The following TSPAN18 variants were observed in gnomAD, a reference collection of about 807,000 sequenced individuals.
TSPAN18 encodes tetraspanin 18, also known as tetraspanin-18.
TSPAN18 carries 14 observed loss-of-function variants against 27.3 expected under a neutral mutation model. The observed-to-expected ratio is 0.51, with a 90% CI of 0.34 to 0.80. The LOEUF (loss-of-function observed/expected upper bound fraction) is 0.80. Ranked by LOEUF, TSPAN18 falls within the 30% of genes least tolerant of loss-of-function variation. TSPAN18 has a pLI of 0.01. For synonymous variants in TSPAN18, 143 were observed against 136.5 expected (o/e 1.05, Z -0.33); for missense variants, 268 against 323.9 (o/e 0.83, Z 1.32).
At chr11:44,846,087 T>G (rs913391481) in intron 2 of TSPAN18, among the ~76,000 whole-genome samples, 3 of 152,222 alleles carry the variant, frequency 2.0e-5, no homozygotes, top group African/African-American at 7.2e-5. Flanking sequence ...CTGTGCCGAG[T>G]ACTTTGCAGG....
intron 1 of TSPAN18, among the ~76,000 whole-genome samples, chr11:44,743,605 T>C (rs1488372497): frequency 1.3e-5 from 2 of 152,192 alleles, no homozygotes; most frequent in Non-Finnish European, 2.9e-5. Context: ...GGAAGATGTG[T>C]GCTCCGAGCT....
At chr11:44,907,580 G>C (rs774144688) in intron 4 of TSPAN18, among the ~76,000 whole-genome samples, 1 of 152,074 alleles carries the variant, frequency 6.6e-6, no homozygotes, top group Non-Finnish European at 1.5e-5. Context: ...CTAGACCCAA[G>C]GTCACCACCT....
In TSPAN18 at chr11:44,780,948, A is replaced by G. The variant is rs530080959; in HGVS notation, c.-153+16436A>G. Among the ~76,000 whole-genome samples, 6 of 152,362 alleles carry G rather than the reference A, an allele frequency of 3.9e-5. No individual in the cohort carries two copies. In the South Asian group the frequency reaches 1.0e-3, roughly 26 times the overall value. ...GAATTCCTGGTGAGACTTTGAGCCT[A>G]TCTGTGGAGTACCTGCTTTTCAGAC... On this transcript the variant is annotated intron_variant, in intron 2 of 9. Transcript: ENST00000520358.
intron 2 of TSPAN18, among the ~76,000 whole-genome samples, chr11:44,795,972 G>A (rs1856340307): frequency 6.6e-6 from 1 of 152,124 alleles, no homozygotes; most frequent in Non-Finnish European, 1.5e-5. Context: ...AACCTCAGGG[G>A]TGAGCCATGG....
chr11:44,906,314 G>A (rs1859449219), intron 3 of TSPAN18, 93 bp from the exon 4 acceptor site: 2 of 1,089,386 alleles, frequency 1.8e-6, no homozygotes, highest in Non-Finnish European at 1.4e-6. Flanking sequence ...TTGCAAGGGT[G>A]GGGCTGGCTG....
chr11:44,745,002 G>A (rs1379730403), intron 1 of TSPAN18, among the ~76,000 whole-genome samples: 3 of 152,182 alleles, frequency 2.0e-5, no homozygotes, highest in Non-Finnish European at 4.4e-5. Flanking sequence ...TGGAATGCTA[G>A]CAAAGAATAG....
intron 1 of TSPAN18, among the ~76,000 whole-genome samples, chr11:44,731,801 G>A (rs138061153): frequency 1.2e-4 from 18 of 152,178 alleles, no homozygotes; most frequent in African/African-American, 2.4e-4. Flanking sequence ...CCAATTTGAC[G>A]TCACTGACAA....
At chr11:44,898,626 G>A (rs571212824) in intron 3 of TSPAN18, among the ~76,000 whole-genome samples, 3 of 152,228 alleles carry the variant, frequency 2.0e-5, no homozygotes, top group Admixed American at 6.5e-5. Context: ...TCTTGCTGCC[G>A]GGGGACTCTT....
intron 2 of TSPAN18, among the ~76,000 whole-genome samples, chr11:44,814,436 A>C (rs1856780242): frequency 6.6e-6 from 1 of 152,188 alleles, no homozygotes; most frequent in Admixed American, 6.5e-5. Flanking sequence ...AGGATGTGTG[A>C]ACCCCTTCCA....
At chr11:44,744,312 G>A (rs1855020889) in intron 1 of TSPAN18, among the ~76,000 whole-genome samples, 1 of 152,220 alleles carries the variant, frequency 6.6e-6, no homozygotes, top group Non-Finnish European at 1.5e-5. Flanking sequence ...GCTCTGGACT[G>A]CAGTCTTGTC....
At chr11:44,835,354 G>C (rs1857243647) in intron 2 of TSPAN18, among the ~76,000 whole-genome samples, 1 of 152,216 alleles carries the variant, frequency 6.6e-6, no homozygotes, top group African/African-American at 2.4e-5. Flanking sequence ...TCCATATAGG[G>C]ACTGGAGTTA....
intron 2 of TSPAN18, among the ~76,000 whole-genome samples, chr11:44,804,860 C>A (rs1856558376): frequency 6.6e-6 from 1 of 152,144 alleles, no homozygotes; most frequent in Non-Finnish European, 1.5e-5. Flanking sequence ...CACTTCCCAC[C>A]CCATTATGAG....
At chr11:44,921,331 C>T (rs1368472096) in intron 8 of TSPAN18, among the ~76,000 whole-genome samples, 2 of 152,150 alleles carry the variant, frequency 1.3e-5, no homozygotes, top group Admixed American at 6.5e-5. Flanking sequence ...AAGACACCCT[C>T]GCTGGACCTC....
intron 2 of TSPAN18, among the ~76,000 whole-genome samples, chr11:44,784,597 T>C (rs1366828988): frequency 1.3e-5 from 2 of 152,200 alleles, no homozygotes; most frequent in Non-Finnish European, 2.9e-5. Flanking sequence ...GTGTTCTTTG[T>C]TCACTGTCCG....
intron 2 of TSPAN18, among the ~76,000 whole-genome samples, chr11:44,765,252 C>T (rs1370571201): frequency 6.6e-6 from 1 of 152,180 alleles, no homozygotes; most frequent in Non-Finnish European, 1.5e-5. Context: ...CTCACGCCCT[C>T]CATTTCTGGG....
intron 1 of TSPAN18, among the ~76,000 whole-genome samples, chr11:44,751,881 C>T (rs1016941224): frequency 2.0e-5 from 3 of 151,254 alleles, no homozygotes; most frequent in African/African-American, 7.3e-5. Flanking sequence ...GAGTCAAGAT[C>T]ACACCACCGC....
At chr11:44,752,847 C>T (rs544773930) in intron 1 of TSPAN18, among the ~76,000 whole-genome samples, 2 of 152,254 alleles carry the variant, frequency 1.3e-5, no homozygotes, top group African/African-American at 4.8e-5. Context: ...AGGCAGAAAA[C>T]CATAACCTTG....
chr11:44,914,142 G>A (rs835984), intron 5 of TSPAN18, among the ~76,000 whole-genome samples: 49,485 of 152,098 alleles, frequency 0.33, 8,875 homozygotes, highest in Middle Eastern at 0.45. Context: ...TCAGCTCAAT[G>A]GAAACTCCAT....
intron 2 of TSPAN18, among the ~76,000 whole-genome samples, chr11:44,828,045 A>G (rs1857080485): frequency 6.6e-6 from 1 of 152,098 alleles, no homozygotes; most frequent in Non-Finnish European, 1.5e-5. Context: ...TCTTCCTGGG[A>G]GTTCATGGGC....
Sources: allele counts gnomAD v4.1 joint callset (sites outside exome capture counted in the v4.1 genomes callset), GRCh38; gene constraint gnomAD v4.1.1; transcripts MANE v1.5; gene names NCBI Gene and HGNC (gene_info 2026-07-23, HGNC 2026-07-21).